ITPK1: variants seen among roughly 807,000 people sequenced by gnomAD.
The protein encoded by ITPK1 is inositol 1,3,4-trisphosphate 5/6-kinase.
Under a neutral mutation model 45.3 loss-of-function variants are expected in ITPK1, and 21 were observed. The observed-to-expected ratio is 0.46, with a 90% CI of 0.33 to 0.67. The LOEUF (loss-of-function observed/expected upper bound fraction) is 0.67, where lower values mean the gene tolerates loss of function less well. Among genes scored for constraint, ITPK1 ranks in the 30% least tolerant of loss-of-function variants. The pLI is 0.02. For missense variants in ITPK1, 474 were observed against 573.5 expected (o/e 0.83, Z 1.77); for synonymous variants, 258 against 253.6 (o/e 1.02, Z -0.16).
Position 92,940,484 on chromosome 14 carries a change from G to A in ITPK1, c.*1077C>T, listed in dbSNP as rs1887306789. 2.4e-5 allele frequency: 27 copies of A among 1,146,878 alleles called. No homozygotes were observed. The highest frequency in any genetic ancestry group is 2.6e-5 in the Non-Finnish European group (24 of 921,058). 71.0% of individuals were successfully genotyped at this position (1,146,878 alleles called of 1,614,324 possible). On this transcript the variant is annotated 3_prime_UTR_variant, in exon 11 of 11. Coordinates refer to ENST00000267615, the MANE Select transcript of ITPK1 (RefSeq NM_014216.6). Reference sequence around the variant, plus strand: ...GCTCCCTGGCACCTGCTGGCTCAGTGCTTGGGGCTTGCAATGAGAGGTGGA... The same window carrying A: ...GCTCCCTGGCACCTGCTGGCTCAGTACTTGGGGCTTGCAATGAGAGGTGGA...
intron 2 of ITPK1, among the ~76,000 whole-genome samples, chr14:93,102,298 G>A (rs962344881): frequency 2.0e-5 from 3 of 152,372 alleles, no homozygotes; most frequent in Admixed American, 6.5e-5. Context: ...CCCAGGTCAA[G>A]GTGATAAAAA....
intron 2 of ITPK1, among the ~76,000 whole-genome samples, chr14:93,094,601 A>G (rs375555779): frequency 9.9e-5 from 15 of 152,156 alleles, no homozygotes; most frequent in East Asian, 7.8e-4. Flanking sequence ...GCTTAGGGAC[A>G]CTCAATGACC....
chr14:93,085,020 G>A (rs1023425728), intron 2 of ITPK1, among the ~76,000 whole-genome samples: 1 of 152,224 alleles, frequency 6.6e-6, no homozygotes, highest in Non-Finnish European at 1.5e-5. Context: ...CCTGGGCCTG[G>A]CAGGCTCTCT....
chr14:92,938,375 C>T lies in ITPK1; in HGVS notation c.*3186G>A, dbSNP rs1887209457. 1.2e-6 allele frequency: 1 copy of T among 848,102 alleles called. No homozygotes were observed. The allele number at this position is 848,102 out of a possible 1,614,324, so 52.5% of individuals were successfully genotyped here. A position where few individuals can be genotyped will look rare whatever the true frequency, so the allele number is the denominator to read the frequency against. On this transcript the variant is annotated 3_prime_UTR_variant, in exon 11 of 11. Coordinates refer to ENST00000267615, the MANE Select transcript of ITPK1 (RefSeq NM_014216.6). ...GCCCAAGAGCCAAGAACTGGTCTTC[C>T]AGGCTAGAAGGACAAACGACAGGCT...
intron 10 of ITPK1, among the ~76,000 whole-genome samples, chr14:92,942,224 C>T (rs911032071): frequency 1.3e-5 from 2 of 152,190 alleles, no homozygotes; most frequent in African/African-American, 2.4e-5. Flanking sequence ...CCCACCCATC[C>T]ACTTGCATGG....
intron 2 of ITPK1, among the ~76,000 whole-genome samples, chr14:93,077,819 T>C (rs950797162): frequency 3.3e-5 from 5 of 152,142 alleles, no homozygotes; most frequent in African/African-American, 4.8e-5. Context: ...TTCTGGGGTA[T>C]TGATTGCTAC....
intron 4 of ITPK1, among the ~76,000 whole-genome samples, chr14:93,006,835 CAGGCCTGCCACTGAAAACA>C: frequency 6.6e-6 from 1 of 152,264 alleles, no homozygotes; most frequent in East Asian, 1.9e-4. Context: ...CCCCTTTTTC[CAGGCCTGCCACTGAAAACA>C]ATACCTCCCC....
At chr14:93,082,514 T>G (rs141536615) in intron 2 of ITPK1, among the ~76,000 whole-genome samples, 156 of 152,328 alleles carry the variant, frequency 1.0e-3, no homozygotes, top group African/African-American at 3.5e-3. Context: ...CCACACGGGC[T>G]TTAAGGGAAA....
chr14:93,028,450 C>T (rs796973164), intron 3 of ITPK1, among the ~76,000 whole-genome samples: 15 of 152,342 alleles, frequency 9.8e-5, no homozygotes, highest in African/African-American at 2.6e-4. Context: ...TGTGTGCCCA[C>T]GCCAAGGATG....
chr14:93,064,124 A>G (rs1053602540), intron 3 of ITPK1, among the ~76,000 whole-genome samples: 1 of 152,100 alleles, frequency 6.6e-6, no homozygotes, highest in African/African-American at 2.4e-5. Flanking sequence ...TCTACCAAAA[A>G]TACAAAAAAT....
At position 92,958,507 on chromosome 14, in the gene ITPK1, T is replaced by A; in HGVS notation, c.505-141A>T. ...GCATGAGGACTCCCCTAGAGGAGCC[T>A]TGAGCCAGGGTGAGTGGAGTGGGAC... On this transcript the variant is annotated intron_variant, in intron 7 of 10. Transcript: ENST00000267615. The surrounding 1 kb of genome is among the most constrained non-coding windows in gnomAD (Gnocchi z 4.4). The A allele has an allele frequency of 1.3e-6, 1 of 741,100 alleles. No homozygotes were observed. Among genetic ancestry groups the A allele is most frequent in the Non-Finnish European group, 2.2e-6 (1 of 450,694 alleles). The allele number at this position is 741,100 out of a possible 1,614,324, so 45.9% of individuals were successfully genotyped here. A position where few individuals can be genotyped will look rare whatever the true frequency, so the allele number is the denominator to read the frequency against.
chr14:93,046,608 G>A (rs925449003), intron 3 of ITPK1, among the ~76,000 whole-genome samples: 7 of 145,838 alleles, frequency 4.8e-5, no homozygotes, highest in Admixed American at 1.4e-4. Flanking sequence ...GGGGGGCGGC[G>A]GGGGGAACAC....
chr14:92,958,286 G>A lies in ITPK1; in HGVS notation c.585C>T (p.Ala195=), dbSNP rs1038861023. The A allele has an allele frequency of 2.2e-5, 36 of 1,614,076 alleles. No individual in the cohort carries two copies. The highest frequency in any genetic ancestry group is 1.0e-4 in the Admixed American group (6 of 60,002). Residue 195 remains alanine, a synonymous_variant, in exon 8 of 11, where the codon GCC becomes GCT. Transcript: ENST00000267615. This position sits in a 1 kb window ranked among gnomAD's most constrained non-coding sequence, Gnocchi z 4.4. ...CVVQNFINHN[A]VLYKVFVVGE... ...CAACCACGAACACCTTGTACAGGACGGCGTTGTGGTTGATGAAATTCTGGA... is the reference window on the plus strand; with the variant it reads ...CAACCACGAACACCTTGTACAGGACAGCGTTGTGGTTGATGAAATTCTGGA...
chr14:93,081,333 C>CA (rs72157810), intron 2 of ITPK1, among the ~76,000 whole-genome samples: 4 of 151,182 alleles, frequency 2.6e-5, no homozygotes, highest in Non-Finnish European at 5.9e-5. Flanking sequence ...GATGCCGTCT[C>CA]AAAAAAAACA....
intron 2 of ITPK1, among the ~76,000 whole-genome samples, chr14:93,107,874 G>A (rs1235923526): frequency 6.6e-6 from 1 of 152,206 alleles, no homozygotes; most frequent in Non-Finnish European, 1.5e-5. Context: ...TTCTGAGCAG[G>A]CTCAGAGCAG....
At chr14:92,978,376 CT>C (rs1886053313) in intron 5 of ITPK1, among the ~76,000 whole-genome samples, 1 of 151,936 alleles carries the variant, frequency 6.6e-6, no homozygotes, top group African/African-American at 2.4e-5. Flanking sequence ...AATTTGCAGG[CT>C]GACCACGTGG....
At position 93,012,935 on chromosome 14, in the gene ITPK1, G is replaced by C. The variant is rs911833244; in HGVS notation, c.246+3741C>G. Among the ~76,000 whole-genome samples, 2 of 152,204 alleles carry C rather than the reference G, an allele frequency of 1.3e-5. No individual in the cohort carries two copies. Among genetic ancestry groups the C allele is most frequent in the Non-Finnish European group, 2.9e-5 (2 of 68,018 alleles). On this transcript the variant is annotated intron_variant, in intron 4 of 10. Coordinates refer to ENST00000267615, the MANE Select transcript of ITPK1 (RefSeq NM_014216.6). This position sits in a 1 kb window ranked among gnomAD's most constrained non-coding sequence, Gnocchi z 4.9. ...GCTAGAAGGGGCAGCAGAAGAGGACGGTGGGCCCCTCCCTTCCCACCCTGC... is the reference window on the plus strand; with the variant it reads ...GCTAGAAGGGGCAGCAGAAGAGGACCGTGGGCCCCTCCCTTCCCACCCTGC...
At chr14:92,952,948 G>A (rs2139719955) in intron 8 of ITPK1, among the ~76,000 whole-genome samples, 1 of 152,376 alleles carries the variant, frequency 6.6e-6, no homozygotes, top group East Asian at 1.9e-4. Flanking sequence ...CTTCCCCCAA[G>A]GCTGGCACGG....
chr14:93,100,443 G>C (rs1432668436), intron 2 of ITPK1, among the ~76,000 whole-genome samples: 2 of 152,142 alleles, frequency 1.3e-5, no homozygotes, highest in African/African-American at 4.8e-5. Context: ...TAAGGATTGA[G>C]GGTGAGGACT....
Sources: gnomAD v4.1 joint callset for allele counts (sites outside exome capture counted in the v4.1 genomes callset) on GRCh38, gnomAD v4.1.1 for gene constraint, Gnocchi (gnomAD v3.1) non-coding constraint, MANE v1.5 for transcripts, NCBI Gene and HGNC (gene_info 2026-07-23, HGNC 2026-07-21) for gene names.